Variants in KHDRBS2 observed in about 807,000 individuals in gnomAD.
KHDRBS2 encodes the protein KH domain-containing, RNA-binding, signal transduction-associated protein 2.
A neutral mutation model predicts 44.3 loss-of-function variants in KHDRBS2; 26 were observed. The observed-to-expected ratio is 0.59, with a 90% CI of 0.43 to 0.81. The LOEUF is 0.81. Ranked by LOEUF, KHDRBS2 falls within the 40% of genes least tolerant of loss-of-function variation. The pLI is 0.00. For missense variants in KHDRBS2, 476 were observed against 433.1 expected (o/e 1.10, Z -0.88); for synonymous variants, 194 against 151.1 (o/e 1.28, Z -2.08).
At chr6:61,833,889 T>C (rs1180869722) in intron 6 of KHDRBS2, among the ~76,000 whole-genome samples, 1 of 152,156 alleles carries the variant, frequency 6.6e-6, no homozygotes, top group Non-Finnish European at 1.5e-5. Flanking sequence ...CCTCTCTTCT[T>C]CCTCTACCCT....
chr6:61,799,909 G>A (rs1057018534), intron 6 of KHDRBS2, among the ~76,000 whole-genome samples: 1 of 152,018 alleles, frequency 6.6e-6, no homozygotes, highest in African/African-American at 2.4e-5. Context: ...GTAAGTTCAT[G>A]TGTATGCATG....
Position 62,199,767 on chromosome 6 carries a change from G to A in KHDRBS2, c.92-22455C>T, listed in dbSNP as rs562972915. On this transcript the variant is annotated intron_variant, in intron 1 of 8. Coordinates refer to ENST00000281156, the MANE Select transcript of KHDRBS2 (RefSeq NM_152688.4). ...TTCACATGGAACCAAAAAAGAGCCCGCATTGCCAAGTCAATCCTAAGCCAA... is the reference window on the plus strand; with the variant it reads ...TTCACATGGAACCAAAAAAGAGCCCACATTGCCAAGTCAATCCTAAGCCAA... Among the ~76,000 whole-genome samples the A allele has an allele frequency of 2.5e-3, 387 of 152,172 alleles. 1 individual carries two copies. Among genetic ancestry groups the A allele is most frequent in the Middle Eastern group, 0.014 (4 of 292 alleles).
chr6:61,949,311 C>A (rs1764258764), intron 4 of KHDRBS2, among the ~76,000 whole-genome samples: 1 of 152,080 alleles, frequency 6.6e-6, no homozygotes, highest in African/African-American at 2.4e-5. Context: ...GGTTTATTAG[C>A]CTCCTGCATT....
the KHDRBS2 span, among the ~76,000 whole-genome samples, chr6:61,647,558 A>C: frequency 2.6e-5 from 4 of 152,190 alleles, no homozygotes; most frequent in East Asian, 1.9e-4. Flanking sequence ...AAAATAGATT[A>C]TAAGATGCAC....
chr6:62,221,218 G>T (rs1312813818), intron 1 of KHDRBS2, among the ~76,000 whole-genome samples: 1 of 151,750 alleles, frequency 6.6e-6, no homozygotes, highest in Non-Finnish European at 1.5e-5. Flanking sequence ...AAAAATAAAA[G>T]TTGTATTATA....
chr6:61,840,320 T>C (rs1793403329), intron 6 of KHDRBS2, among the ~76,000 whole-genome samples: 1 of 152,136 alleles, frequency 6.6e-6, no homozygotes, highest in Admixed American at 6.6e-5. Flanking sequence ...TGTGGTTGCT[T>C]GCAACATCTC....
chr6:61,576,316 A>G, the KHDRBS2 span, among the ~76,000 whole-genome samples: 1 of 151,698 alleles, frequency 6.6e-6, no homozygotes, highest in African/African-American at 2.4e-5. Context: ...GATTAAGTGT[A>G]TGCCTAGGTA....
the KHDRBS2 span, among the ~76,000 whole-genome samples, chr6:61,545,505 G>C: frequency 7.3e-6 from 1 of 137,656 alleles, no homozygotes; most frequent in Non-Finnish European, 1.6e-5. Flanking sequence ...TAATCTCTGT[G>C]TGTGTGTGTG....
At chr6:61,724,200 C>T (rs1053042638) in intron 7 of KHDRBS2, among the ~76,000 whole-genome samples, 1 of 152,096 alleles carries the variant, frequency 6.6e-6, no homozygotes, top group African/African-American at 2.4e-5. Context: ...TCCAGAATTT[C>T]ATATCTGACC....
intron 6 of KHDRBS2, among the ~76,000 whole-genome samples, chr6:61,883,677 G>T (rs530876735): frequency 1.3e-5 from 2 of 152,028 alleles, no homozygotes; most frequent in South Asian, 4.2e-4. Flanking sequence ...TTTACATACC[G>T]CTACCTTTTT....
the KHDRBS2 span, among the ~76,000 whole-genome samples, chr6:61,595,506 T>G: frequency 3.3e-5 from 5 of 152,286 alleles, no homozygotes; most frequent in Admixed American, 2.6e-4. Context: ...TTCATGCATT[T>G]ATAACTTTCC....
intron 6 of KHDRBS2, among the ~76,000 whole-genome samples, chr6:61,843,609 C>T (rs942914797): frequency 1.6e-4 from 25 of 152,000 alleles, no homozygotes; most frequent in East Asian, 1.9e-4. Flanking sequence ...AAGTGATCCA[C>T]CCACCTCAGC....
At chr6:62,106,468 T>C (rs906486653) in intron 2 of KHDRBS2, among the ~76,000 whole-genome samples, 2 of 152,168 alleles carry the variant, frequency 1.3e-5, no homozygotes, top group African/African-American at 4.8e-5. Context: ...TGCTCCTGTA[T>C]TGGGTGCATA....
chr6:61,783,249 A>T (rs1783284698), intron 6 of KHDRBS2, among the ~76,000 whole-genome samples: 1 of 152,130 alleles, frequency 6.6e-6, no homozygotes. Context: ...ACATTCTCAC[A>T]GACCGCTCCT....
chr6:61,575,590 G>A, the KHDRBS2 span, among the ~76,000 whole-genome samples: 1 of 152,222 alleles, frequency 6.6e-6, no homozygotes, highest in South Asian at 2.1e-4. Context: ...ACTTCATCCA[G>A]AAGTCTCACT....
chr6:61,599,668 A>G, the KHDRBS2 span, among the ~76,000 whole-genome samples: 1 of 152,198 alleles, frequency 6.6e-6, no homozygotes, highest in African/African-American at 2.4e-5. Context: ...AGGATTAGCC[A>G]GGCAACAAGG....
chr6:62,008,169 GGTCA>G (rs1015004173), intron 3 of KHDRBS2, among the ~76,000 whole-genome samples: 6 of 152,016 alleles, frequency 3.9e-5, no homozygotes, highest in African/African-American at 1.4e-4. Context: ...TTGCATTCAG[GGTCA>G]GTTAAGCAAA....
At chr6:62,282,498 G>A (rs1296424616) in intron 1 of KHDRBS2, among the ~76,000 whole-genome samples, 1 of 152,052 alleles carries the variant, frequency 6.6e-6, no homozygotes, top group Non-Finnish European at 1.5e-5. Context: ...AATGCTCCTA[G>A]GAGTATGGAA....
chr6:62,229,412 T>C (rs1832511194), intron 1 of KHDRBS2, among the ~76,000 whole-genome samples: 2 of 152,102 alleles, frequency 1.3e-5, no homozygotes, highest in South Asian at 4.1e-4. Flanking sequence ...CTGCTGCCCT[T>C]CCCCCGCTCT....
Sources: allele counts gnomAD v4.1 joint callset (sites outside exome capture counted in the v4.1 genomes callset), GRCh38; gene constraint gnomAD v4.1.1; transcripts MANE v1.5; gene names NCBI Gene and HGNC (gene_info 2026-07-23, HGNC 2026-07-21).